The following RNF6 variants were observed in gnomAD, a reference collection of about 807,000 sequenced individuals.
The protein encoded by RNF6 is E3 ubiquitin-protein ligase RNF6.
RNF6 carries 21 observed loss-of-function variants against 50.1 expected under a neutral mutation model. That is an observed-to-expected ratio of 0.42 (90% CI 0.30 to 0.60). RNF6 has a LOEUF of 0.60. Ranked by LOEUF, RNF6 falls within the 20% of genes least tolerant of loss-of-function variation. RNF6 has a pLI of 0.20. For missense variants in RNF6, 698 were observed against 838.2 expected (o/e 0.83, Z 2.07); for synonymous variants, 255 against 291.8 (o/e 0.87, Z 1.29).
At chr13:26,172,644 C>T (rs576308611) in intron 5 of RNF6, among the ~76,000 whole-genome samples, 6 of 152,010 alleles carry the variant, frequency 3.9e-5, no homozygotes, top group African/African-American at 9.6e-5. Context: ...GCCGGGTTCA[C>T]GCCATTGTCC....
At chr13:26,148,054 C>T (rs1403622474) in intron 5 of RNF6, among the ~76,000 whole-genome samples, 2 of 152,156 alleles carry the variant, frequency 1.3e-5, no homozygotes, top group South Asian at 2.1e-4. Flanking sequence ...CACAGTTCCA[C>T]CTGGCTGGGG....
At chr13:26,192,318 A>G (rs573962680) in intron 5 of RNF6, among the ~76,000 whole-genome samples, 58 of 152,308 alleles carry the variant, frequency 3.8e-4, no homozygotes, top group Non-Finnish European at 5.9e-4. Flanking sequence ...GGTGGTTAGA[A>G]GTAGTTGTTT....
intron 5 of RNF6, among the ~76,000 whole-genome samples, chr13:26,183,914 T>C (rs1873361407): frequency 6.9e-6 from 1 of 145,550 alleles, no homozygotes; most frequent in South Asian, 2.1e-4. Context: ...ATATGTAATA[T>C]ATACAATATT....
At chr13:26,172,939 A>T (rs1192270860) in intron 5 of RNF6, among the ~76,000 whole-genome samples, 1 of 152,234 alleles carries the variant, frequency 6.6e-6, no homozygotes, top group African/African-American at 2.4e-5. Flanking sequence ...ATTACTAAAA[A>T]AAAATAGAAA....
At chr13:26,198,401 C>T (rs1029394534) in intron 5 of RNF6, among the ~76,000 whole-genome samples, 1 of 151,938 alleles carries the variant, frequency 6.6e-6, no homozygotes, top group Non-Finnish European at 1.5e-5. Flanking sequence ...TCAAAATCCA[C>T]TGATTGAAAT....
At chr13:26,204,739 G>A (rs1869039938) in intron 5 of RNF6, among the ~76,000 whole-genome samples, 2 of 152,084 alleles carry the variant, frequency 1.3e-5, no homozygotes, top group Non-Finnish European at 2.9e-5. Context: ...TTCCATGTAA[G>A]AAGGGCCTAA....
chr13:26,186,396 G>C (rs1177089377), intron 5 of RNF6, among the ~76,000 whole-genome samples: 1 of 152,244 alleles, frequency 6.6e-6, no homozygotes, highest in Non-Finnish European at 1.5e-5. Context: ...CGGCAGGAAC[G>C]CGCTCGTTGG....
chr13:26,182,149 C>A (rs914544054), intron 5 of RNF6, among the ~76,000 whole-genome samples: 4 of 152,162 alleles, frequency 2.6e-5, no homozygotes, highest in Non-Finnish European at 5.9e-5. Flanking sequence ...AGAGGACACA[C>A]AAAATACTTT....
intron 5 of RNF6, among the ~76,000 whole-genome samples, chr13:26,177,629 C>T (rs1873024883): frequency 6.6e-6 from 1 of 152,222 alleles, no homozygotes; most frequent in African/African-American, 2.4e-5. Flanking sequence ...TTTCCTGTAT[C>T]TCAAGAAAAG....
At chr13:26,201,269 C>A (rs575229678) in intron 5 of RNF6, among the ~76,000 whole-genome samples, 1 of 152,156 alleles carries the variant, frequency 6.6e-6, no homozygotes, top group Non-Finnish European at 1.5e-5. Context: ...GGTGATTTCT[C>A]GTAAAGCTAG....
downstream of RNF6, among the ~76,000 whole-genome samples, chr13:26,208,980 C>T (rs144601061): frequency 2.3e-4 from 35 of 152,230 alleles, no homozygotes; most frequent in African/African-American, 8.2e-4. Flanking sequence ...CAACAAAAGA[C>T]CTAAAGGTTG....
chr13:26,180,073 CA>C (rs1452002864), intron 5 of RNF6, among the ~76,000 whole-genome samples: 1 of 152,158 alleles, frequency 6.6e-6, no homozygotes, highest in African/African-American at 2.4e-5. Context: ...GGCAGTAACC[CA>C]AATGACACCC....
intron 5 of RNF6, among the ~76,000 whole-genome samples, chr13:26,149,514 G>A (rs1871441211): frequency 1.3e-5 from 2 of 151,934 alleles, no homozygotes; most frequent in African/African-American, 2.4e-5. Context: ...GTGAACCCGG[G>A]AGGCGGAGCT....
At chr13:26,141,425 CAA>C (rs34336773) in intron 5 of RNF6, among the ~76,000 whole-genome samples, 20,986 of 129,928 alleles carry the variant, frequency 0.16, 1,645 homozygotes, top group East Asian at 0.21. Context: ...AAGACTCTGT[CAA>C]AAAAAAAAAA....
Position 26,213,559 on chromosome 13 carries a change from C to T in RNF6, c.*265G>A, listed in dbSNP as rs1209747409. On this transcript the variant is annotated 3_prime_UTR_variant, in exon 5 of 5. Coordinates refer to ENST00000381588, the MANE Select transcript of RNF6 (RefSeq NM_005977.4). ...GCAGATACAAAAGTGCTTAGCATGA[C>T]AAAATTACCAAAATAAAAACATTTT... is the stretch of plus-strand genomic sequence containing the variant. 7.1e-6 allele frequency: 2 copies of T among 280,532 alleles called. No homozygotes were observed. Among genetic ancestry groups the T allele is most frequent in the Non-Finnish European group, 1.3e-5 (2 of 151,480 alleles). 17.4% of individuals were successfully genotyped at this position (280,532 alleles called of 1,614,324 possible). A position where few individuals can be genotyped will look rare whatever the true frequency, so the allele number is the denominator to read the frequency against.
chr13:26,135,647 T>C (rs1870609183), intron 5 of RNF6: 1 of 152,190 alleles, frequency 6.6e-6, no homozygotes, highest in East Asian at 1.9e-4. Context: ...CAAATTATTT[T>C]CCTAATAATG....
At chr13:26,200,077 C>T (rs1364504151) in intron 5 of RNF6, among the ~76,000 whole-genome samples, 1 of 152,152 alleles carries the variant, frequency 6.6e-6, no homozygotes, top group East Asian at 1.9e-4. Context: ...ACCAAATATG[C>T]CCATGCCTTA....
At chr13:26,200,662 C>T (rs915747663) in intron 5 of RNF6, among the ~76,000 whole-genome samples, 1 of 152,182 alleles carries the variant, frequency 6.6e-6, no homozygotes, top group Non-Finnish European at 1.5e-5. Context: ...GCCTTGGCCT[C>T]CCAAAATGCT....
intron 5 of RNF6, among the ~76,000 whole-genome samples, chr13:26,148,672 G>A (rs1488716539): frequency 2.0e-4 from 9 of 45,102 alleles, no homozygotes; most frequent in South Asian, 6.0e-4. Flanking sequence ...ATATATATAT[G>A]AGGGAGATAT....
Sources: gnomAD v4.1 joint callset for allele counts (sites outside exome capture counted in the v4.1 genomes callset) on GRCh38, gnomAD v4.1.1 for gene constraint, MANE v1.5 for transcripts, NCBI Gene and HGNC (gene_info 2026-07-23, HGNC 2026-07-21) for gene names.